Variants in ADAMTSL1 observed in about 807,000 individuals in gnomAD.
The protein encoded by ADAMTSL1 is ADAMTS like 1, also known as ADAMTS-like protein 1.
In ADAMTSL1, 126 loss-of-function variants were observed where a neutral mutation model predicts 201.8. The observed-to-expected ratio is 0.62, with a 90% confidence interval of 0.54 to 0.72. The LOEUF (loss-of-function observed/expected upper bound fraction) is 0.72. ADAMTSL1 is among the 30% of genes least tolerant of loss of function. The probability of loss-of-function intolerance (pLI) is 0.00; values close to 1 mark genes in which losing one functional copy is unlikely to be tolerated. For missense variants in ADAMTSL1, 2,679 were observed against 2,277.8 expected, an observed-to-expected ratio of 1.18 and a Z score of -3.59; for synonymous variants, 1,121 against 903.4, an observed-to-expected ratio of 1.24 and a Z score of -4.32.
chr9:18,100,663 C>G (rs1713887531), intron 1 of ADAMTSL1, among the ~76,000 whole-genome samples: 1 of 152,110 alleles, frequency 6.6e-6, no homozygotes, highest in South Asian at 2.1e-4. Flanking sequence ...TGATTCCACT[C>G]CTAGTAGTTT....
intron 14 of ADAMTSL1, among the ~76,000 whole-genome samples, chr9:18,714,235 GA>G (rs2133376898): frequency 6.6e-6 from 1 of 150,872 alleles, no homozygotes; most frequent in African/African-American, 2.4e-5. Flanking sequence ...CAGAAGGCAA[GA>G]AATAACTAAA....
At chr9:18,098,032 AT>A (rs201890454) in intron 1 of ADAMTSL1, among the ~76,000 whole-genome samples, 1 of 151,624 alleles carries the variant, frequency 6.6e-6, no homozygotes, top group African/African-American at 2.4e-5. Flanking sequence ...ATCAAGGCTT[AT>A]TTTTTTTCCA....
In ADAMTSL1 at chr9:18,776,797, C is replaced by A. The variant is rs745390755; in HGVS notation, c.2568C>A (p.Ser856=). Residue 856 remains serine (S), a synonymous_variant, in exon 19 of 29, where the codon TCC becomes TCA. Coordinates refer to ENST00000380548, the MANE Select transcript of ADAMTSL1 (RefSeq NM_001040272.6). ...TCCTTCCAGGGCCCGGGCGGCCATC[C>A]ACGAAGCACAGCCCGCACATCGCGG... ...LATCARPGRP[S]TKHSPHIAAA... 1.5e-5 allele frequency: 24 copies of A among 1,554,122 alleles called. No individual in the cohort carries two copies. Among genetic ancestry groups the A allele is most frequent in the Admixed American group, 9.7e-5 (5 of 51,340 alleles).
intron 1 of ADAMTSL1, among the ~76,000 whole-genome samples, chr9:17,940,038 G>A (rs1827172841): frequency 6.6e-6 from 1 of 151,960 alleles, no homozygotes; most frequent in African/African-American, 2.4e-5. Flanking sequence ...GTGTATTGGG[G>A]GGAGGATGAA....
intron 1 of ADAMTSL1, among the ~76,000 whole-genome samples, chr9:17,940,439 T>C (rs1827190142): frequency 6.6e-6 from 1 of 151,994 alleles, no homozygotes; most frequent in South Asian, 2.1e-4. Flanking sequence ...AAGCAGCTGA[T>C]GAAACTAGGA....
chr9:18,449,748 T>C (rs997087115), intron 2 of ADAMTSL1, among the ~76,000 whole-genome samples: 8 of 152,316 alleles, frequency 5.3e-5, no homozygotes, highest in Admixed American at 6.5e-5. Flanking sequence ...AGATGATAGA[T>C]GCAGGTGTCA....
intron 1 of ADAMTSL1, among the ~76,000 whole-genome samples, chr9:17,937,735 A>C (rs1351062136): frequency 2.2e-5 from 3 of 137,372 alleles, no homozygotes; most frequent in Non-Finnish European, 4.8e-5. Flanking sequence ...CTCTTGCTTA[A>C]AATAAACAAT....
intron 24 of ADAMTSL1, among the ~76,000 whole-genome samples, chr9:18,888,483 G>C (rs1388684733): frequency 6.6e-6 from 1 of 152,228 alleles, no homozygotes; most frequent in Admixed American, 6.5e-5. Flanking sequence ...TTCAGCTTTA[G>C]TCATAAGCTG....
At chr9:18,032,925 G>A (rs1821034836) in intron 1 of ADAMTSL1, among the ~76,000 whole-genome samples, 2 of 152,210 alleles carry the variant, frequency 1.3e-5, no homozygotes, top group East Asian at 3.9e-4. Flanking sequence ...TTCAGCTTCA[G>A]TGTCTGCATC....
At chr9:18,510,409 T>C in intron 2 of ADAMTSL1, among the ~76,000 whole-genome samples, 1 of 152,122 alleles carries the variant, frequency 6.6e-6, no homozygotes, top group South Asian at 2.1e-4. Context: ...CAGGTACACA[T>C]TAAATATAAA....
chr9:18,868,241 C>A (rs929539332), intron 23 of ADAMTSL1, among the ~76,000 whole-genome samples: 34 of 152,248 alleles, frequency 2.2e-4, no homozygotes, highest in African/African-American at 8.2e-4. Flanking sequence ...CATATTTTAA[C>A]ACTCTGTTTT....
At chr9:18,462,382 G>A (rs916316119) in intron 2 of ADAMTSL1, among the ~76,000 whole-genome samples, 1 of 152,106 alleles carries the variant, frequency 6.6e-6, no homozygotes, top group African/African-American at 2.4e-5. Context: ...CTACATACTG[G>A]GGTACAGTGG....
At chr9:18,346,732 C>T (rs996234768) in intron 2 of ADAMTSL1, among the ~76,000 whole-genome samples, 25 of 152,092 alleles carry the variant, frequency 1.6e-4, no homozygotes, top group South Asian at 2.1e-4. Flanking sequence ...AATCTTTAGA[C>T]GTTTTTGAAG....
intron 1 of ADAMTSL1, among the ~76,000 whole-genome samples, chr9:18,009,702 C>T (rs1005240836): frequency 1.3e-5 from 2 of 152,024 alleles, no homozygotes; most frequent in East Asian, 1.9e-4. Flanking sequence ...ATTTAACTAG[C>T]CACACAGGCT....
intron 1 of ADAMTSL1, among the ~76,000 whole-genome samples, chr9:18,122,873 G>C (rs889417561): frequency 6.6e-6 from 1 of 151,958 alleles, no homozygotes; most frequent in Non-Finnish European, 1.5e-5. Context: ...TGAGTAGCTA[G>C]GACTATTGGT....
At chr9:18,486,705 CA>C (rs1298535641) in intron 1 of ADAMTSL1, among the ~76,000 whole-genome samples, 4 of 151,084 alleles carry the variant, frequency 2.6e-5, no homozygotes. Context: ...GACCTTGTCT[CA>C]AAAAAAAGCG....
intron 19 of ADAMTSL1, among the ~76,000 whole-genome samples, chr9:18,785,706 T>C (rs970076732): frequency 6.6e-6 from 1 of 152,222 alleles, no homozygotes; most frequent in Non-Finnish European, 1.5e-5. Flanking sequence ...CCAAAGAACC[T>C]GGTAAATTTT....
intron 2 of ADAMTSL1, among the ~76,000 whole-genome samples, chr9:18,257,817 G>A (rs1042449474): frequency 5.4e-4 from 83 of 152,298 alleles, no homozygotes; most frequent in African/African-American, 1.9e-3. Flanking sequence ...AAAAAGAAAT[G>A]ATTCTGATAG....
At chr9:18,644,910 G>A (rs10811004) in intron 7 of ADAMTSL1, among the ~76,000 whole-genome samples, 126,918 of 149,190 alleles carry the variant, frequency 0.85, 54,125 homozygotes, top group African/African-American at 0.93. Flanking sequence ...CCCAGTAATG[G>A]GATGGCTGGG....
Sources: gnomAD v4.1 joint callset for allele counts (sites outside exome capture counted in the v4.1 genomes callset) on GRCh38, gnomAD v4.1.1 for gene constraint, MANE v1.5 for transcripts, NCBI Gene and HGNC (gene_info 2026-07-23, HGNC 2026-07-21) for gene names.